Variants in CSMD1 observed in about 807,000 individuals in gnomAD.
CSMD1 encodes CUB and Sushi multiple domains 1.
CSMD1 carries 213 observed loss-of-function variants against 417.5 expected under a neutral mutation model. The observed-to-expected ratio is 0.51, with a 90% confidence interval of 0.46 to 0.57. The LOEUF (loss-of-function observed/expected upper bound fraction) is 0.57, where lower values mean the gene tolerates loss of function less well. Among genes scored for constraint, CSMD1 ranks in the 20% least tolerant of loss-of-function variants. The pLI, the probability that CSMD1 is intolerant of heterozygous loss-of-function variation, is 0.00. For missense variants in CSMD1, 6,923 were observed against 4,529.7 expected (o/e 1.53, Z -15.17); for synonymous variants, 2,862 against 1,736.8 (o/e 1.65, Z -16.11).
chr8:4,127,188 C>G (rs1309798034), intron 3 of CSMD1, among the ~76,000 whole-genome samples: 2 of 152,054 alleles, frequency 1.3e-5, no homozygotes, highest in African/African-American at 2.4e-5. Flanking sequence ...CCTGCTATCC[C>G]TGGAGGTGGC....
At chr8:2,950,997 T>G (rs1471787302) in intron 66 of CSMD1, 117 bp downstream of exon 66, 1 of 1,017,192 alleles carries the variant, frequency 9.8e-7, no homozygotes, top group Non-Finnish European at 1.4e-6. Context: ...TTACAGTATA[T>G]ACAAAGCCAA....
intron 12 of CSMD1, among the ~76,000 whole-genome samples, chr8:3,449,784 C>T (rs1319935551): frequency 6.6e-6 from 1 of 152,154 alleles, no homozygotes; most frequent in Non-Finnish European, 1.5e-5. Context: ...TCCCAAAGTG[C>T]CAGCATTACA....
At chr8:3,297,024 G>C (rs1315446530) in intron 25 of CSMD1, among the ~76,000 whole-genome samples, 1 of 152,140 alleles carries the variant, frequency 6.6e-6, no homozygotes, top group East Asian at 1.9e-4. Flanking sequence ...TTCTTAGGTG[G>C]AGAATAGAAG....
intron 7 of CSMD1, among the ~76,000 whole-genome samples, chr8:3,698,745 C>A (rs186304085): frequency 2.6e-5 from 4 of 152,326 alleles, no homozygotes; most frequent in African/African-American, 9.6e-5. Context: ...GGATCATGTT[C>A]ATTACTGAAG....
At chr8:4,143,419 G>T (rs1803915537) in intron 3 of CSMD1, among the ~76,000 whole-genome samples, 1 of 149,670 alleles carries the variant, frequency 6.7e-6, no homozygotes, top group South Asian at 2.1e-4. Context: ...GTGGAACCCA[G>T]GCTGAAAGTT....
chr8:4,605,375 G>A (rs1265755637), intron 2 of CSMD1, among the ~76,000 whole-genome samples: 1 of 152,162 alleles, frequency 6.6e-6, no homozygotes. Context: ...GTTGAGTCCT[G>A]TAAACCTAAT....
At chr8:3,527,146 T>G (rs566921595) in intron 10 of CSMD1, among the ~76,000 whole-genome samples, 1 of 152,142 alleles carries the variant, frequency 6.6e-6, no homozygotes, top group East Asian at 1.9e-4. Flanking sequence ...CGGATGTCTC[T>G]CTCCACGTTT....
chr8:3,638,846 C>A (rs749113328), intron 7 of CSMD1, among the ~76,000 whole-genome samples: 3 of 152,030 alleles, frequency 2.0e-5, no homozygotes, highest in Non-Finnish European at 4.4e-5. Context: ...CAGGAAGATA[C>A]CCTGGAATAT....
intron 68 of CSMD1, among the ~76,000 whole-genome samples, chr8:2,942,896 A>C (rs988700724): frequency 6.6e-6 from 1 of 152,212 alleles, no homozygotes; most frequent in African/African-American, 2.4e-5. Flanking sequence ...TTATAGTTAT[A>C]GGTGTTTTCA....
intron 1 of CSMD1, among the ~76,000 whole-genome samples, chr8:4,724,620 T>A (rs1476030935): frequency 6.6e-6 from 1 of 151,938 alleles, no homozygotes; most frequent in Non-Finnish European, 1.5e-5. Context: ...TTATGTGATA[T>A]TATTTGGAAA....
Position 4,916,344 on chromosome 8 carries a change from A to G in CSMD1, c.85+77988T>C, listed in dbSNP as rs557188553. Among the ~76,000 whole-genome samples the G allele has an allele frequency of 2.0e-5, 3 of 152,352 alleles. No homozygotes were observed. In the South Asian group the frequency reaches 6.2e-4, roughly 32 times the overall value. On this transcript the variant is annotated intron_variant, in intron 1 of 69. Coordinates refer to ENST00000635120, the MANE Select transcript of CSMD1 (RefSeq NM_033225.6). ...GACAATGTTTATGGGCAACTTTTAA[A>G]TATGGCAAAACCCTTTGAAAAAAGT...
At chr8:3,875,745 G>T (rs567931658) in intron 5 of CSMD1, among the ~76,000 whole-genome samples, 5 of 152,326 alleles carry the variant, frequency 3.3e-5, no homozygotes, top group African/African-American at 1.2e-4. Context: ...GGCAGTCAAA[G>T]AAATGGAGAC....
intron 1 of CSMD1, among the ~76,000 whole-genome samples, chr8:4,878,971 G>A (rs561970462): frequency 1.3e-5 from 2 of 152,060 alleles, no homozygotes; most frequent in East Asian, 3.9e-4. Flanking sequence ...TGAGAAGCAG[G>A]GAGAGGGGTC....
At chr8:4,037,163 C>A (rs1467637655) in intron 3 of CSMD1, among the ~76,000 whole-genome samples, 1 of 152,164 alleles carries the variant, frequency 6.6e-6, no homozygotes, top group African/African-American at 2.4e-5. Context: ...ACATGTGTGT[C>A]AGTGTTCAAT....
At chr8:3,904,263 A>T (rs1365146023) in intron 5 of CSMD1, among the ~76,000 whole-genome samples, 3 of 152,150 alleles carry the variant, frequency 2.0e-5, no homozygotes, top group African/African-American at 7.2e-5. Context: ...ACCTTCCCTT[A>T]CCAAACAAAT....
In CSMD1 at chr8:3,346,425, G is replaced by A. The variant is rs184503178; in HGVS notation, c.3474+1567C>T. Reference sequence around the variant, plus strand: ...TGAGGTTATTAAAAAATTCAGTTGCGATGTAACTATTTCTTTTTAGATTAG... The same window carrying A: ...TGAGGTTATTAAAAAATTCAGTTGCAATGTAACTATTTCTTTTTAGATTAG... On this transcript the variant is annotated intron_variant, in intron 22 of 69. Transcript: ENST00000635120. 7.8e-3 allele frequency among the ~76,000 whole-genome samples: 1,186 copies of A among 152,240 alleles called. 2 individuals are homozygous for A. The highest frequency in any genetic ancestry group is 0.011 in the Non-Finnish European group (760 of 68,026).
At chr8:4,029,665 C>T (rs1482182113) in intron 4 of CSMD1, among the ~76,000 whole-genome samples, 1 of 152,212 alleles carries the variant, frequency 6.6e-6, no homozygotes, top group Non-Finnish European at 1.5e-5. Context: ...TGGACCCACC[C>T]AAATCTCATG....
At chr8:4,288,384 A>G (rs996568440) in intron 3 of CSMD1, among the ~76,000 whole-genome samples, 3 of 152,180 alleles carry the variant, frequency 2.0e-5, no homozygotes, top group African/African-American at 7.2e-5. Flanking sequence ...GCTATCTTAC[A>G]AGAATGACCT....
At chr8:4,168,536 G>T (rs994781874) in intron 3 of CSMD1, among the ~76,000 whole-genome samples, 1 of 152,022 alleles carries the variant, frequency 6.6e-6, no homozygotes, top group Non-Finnish European at 1.5e-5. Context: ...TACAGACACA[G>T]AACACAACAG....
Sources: gnomAD v4.1 joint callset for allele counts (sites outside exome capture counted in the v4.1 genomes callset) on GRCh38, gnomAD v4.1.1 for gene constraint, MANE v1.5 for transcripts, NCBI Gene and HGNC (gene_info 2026-07-23, HGNC 2026-07-21) for gene names.